Variants in TLL1 observed in about 807,000 individuals in gnomAD.
TLL1 encodes tolloid like 1.
Under a neutral mutation model 128.2 loss-of-function variants are expected in TLL1, and 49 were observed. That is an observed-to-expected ratio of 0.38 (90% CI 0.30 to 0.48). The LOEUF is 0.48. Among genes scored for constraint, TLL1 ranks in the 20% least tolerant of loss-of-function variants. The pLI is 0.96. For missense variants in TLL1, 1,123 were observed against 1,242.0 expected, an observed-to-expected ratio of 0.90 and a Z score of 1.44; for synonymous variants, 454 against 418.8, an observed-to-expected ratio of 1.08 and a Z score of -1.03.
chr4:165,927,510 A>G (rs1733330206), intron 1 of TLL1, among the ~76,000 whole-genome samples: 1 of 152,228 alleles, frequency 6.6e-6, no homozygotes, highest in Non-Finnish European at 1.5e-5. Context: ...TAAGAGGATT[A>G]AGCATTTCAG....
chr4:165,962,027 ATGG>A (rs931538843), intron 1 of TLL1, among the ~76,000 whole-genome samples: 13 of 152,090 alleles, frequency 8.5e-5, no homozygotes, highest in Non-Finnish European at 1.6e-4. Flanking sequence ...CAAAAAATTT[ATGG>A]CTATGTTCTA....
chr4:166,000,261 T>C (rs946238149), intron 5 of TLL1, among the ~76,000 whole-genome samples: 5 of 152,218 alleles, frequency 3.3e-5, no homozygotes, highest in African/African-American at 2.4e-5. Context: ...AAATACATAT[T>C]ACCCTTGTCT....
chr4:165,901,836 G>A (rs919856661), intron 1 of TLL1, among the ~76,000 whole-genome samples: 1 of 152,190 alleles, frequency 6.6e-6, no homozygotes, highest in African/African-American at 2.4e-5. Flanking sequence ...TGCTAAAGCT[G>A]CAACCACAGC....
chr4:165,951,646 G>T (rs1007429601), intron 1 of TLL1, among the ~76,000 whole-genome samples: 1 of 152,126 alleles, frequency 6.6e-6, no homozygotes, highest in Non-Finnish European at 1.5e-5. Context: ...TACTTATGTG[G>T]AGGAGAAGAA....
chr4:166,065,913 G>A (rs1039385033), intron 16 of TLL1, 50 bp downstream of exon 16: 2 of 1,280,014 alleles, frequency 1.6e-6, no homozygotes, highest in African/African-American at 7.6e-5. Flanking sequence ...TTCAATGTGG[G>A]TTGGATTAAA....
chr4:165,950,941 T>G (rs1371239175), intron 1 of TLL1, among the ~76,000 whole-genome samples: 1 of 151,836 alleles, frequency 6.6e-6, no homozygotes, highest in Non-Finnish European at 1.5e-5. Flanking sequence ...GAGACAGACA[T>G]TAGAGAAAAA....
intron 10 of TLL1, 61 bp from the exon 11 acceptor site, chr4:166,041,966 A>G: frequency 1.7e-6 from 2 of 1,204,694 alleles, no homozygotes; most frequent in Admixed American, 1.7e-5. Flanking sequence ...ACTAGTACAA[A>G]AAGAACGTAG....
intron 17 of TLL1, among the ~76,000 whole-genome samples, chr4:166,075,301 T>C (rs1010701378): frequency 6.6e-6 from 1 of 152,230 alleles, no homozygotes; most frequent in East Asian, 1.9e-4. Flanking sequence ...ACAGACCTTA[T>C]AACACTATGC....
At chr4:165,920,148 C>A (rs1732980736) in intron 1 of TLL1, among the ~76,000 whole-genome samples, 1 of 152,176 alleles carries the variant, frequency 6.6e-6, no homozygotes, top group Non-Finnish European at 1.5e-5. Flanking sequence ...CCTGAGTTAT[C>A]CATTGATATT....
At chr4:166,020,985 C>T (rs1738202142) in intron 8 of TLL1, among the ~76,000 whole-genome samples, 1 of 152,094 alleles carries the variant, frequency 6.6e-6, no homozygotes. Context: ...TATGGATGCA[C>T]ATTTATGTGG....
chr4:165,986,469 A>G (rs1161686842), intron 1 of TLL1, among the ~76,000 whole-genome samples: 1 of 151,998 alleles, frequency 6.6e-6, no homozygotes, highest in African/African-American at 2.4e-5. Flanking sequence ...AAAGATGTAT[A>G]TGGGCTACAG....
rs192997438 is a variant in TLL1, at chr4:166,088,384, A to G, written c.2443-2744A>G. Among the ~76,000 whole-genome samples the G allele has an allele frequency of 9.7e-4, 148 of 152,228 alleles. 2 individuals are homozygous for G. Among genetic ancestry groups the G allele is most frequent in the African/African-American group, 3.2e-3 (132 of 41,548 alleles). ...TTTTAGAAGTTTTTCCTTTCCGAAG[A>G]GTTCCTATAATACATTTCTATGGCC... On this transcript the variant is annotated intron_variant, in intron 18 of 20. Transcript: ENST00000061240.
chr4:165,938,249 C>G (rs1010992233), intron 1 of TLL1, among the ~76,000 whole-genome samples: 8 of 152,002 alleles, frequency 5.3e-5, no homozygotes, highest in African/African-American at 1.9e-4. Context: ...TGTAAAACTT[C>G]AGAAGCCATT....
chr4:166,057,403 T>C, intron 14 of TLL1, 94 bp downstream of exon 14: 1 of 1,536,568 alleles, frequency 6.5e-7, no homozygotes, highest in Non-Finnish European at 8.8e-7. Context: ...CTTTCCCTTT[T>C]TCCTATAGTG....
chr4:165,963,054 C>CAAAAAAAAAAAAAAAAAA (rs869191830), intron 1 of TLL1, among the ~76,000 whole-genome samples: 1 of 18,336 alleles, frequency 5.5e-5, no homozygotes, highest in African/African-American at 1.4e-4. Flanking sequence ...GGCTCTGTCT[C>CAAAAAAAAAAAAAAAAAA]AAAAAAAAAA....
chr4:166,060,274 AGT>A, intron 15 of TLL1, 86 bp downstream of exon 15: 16 of 1,365,768 alleles, frequency 1.2e-5, no homozygotes, highest in Non-Finnish European at 1.5e-5. Context: ...AAAAAGATGT[AGT>A]AAAATAGTAT....
chr4:165,907,273 G>T (rs930793401), intron 1 of TLL1, among the ~76,000 whole-genome samples: 1 of 151,854 alleles, frequency 6.6e-6, no homozygotes, highest in Non-Finnish European at 1.5e-5. Context: ...GTTTTTTAGG[G>T]CCATAGTAGA....
At chr4:165,957,096 G>C (rs1204947094) in intron 1 of TLL1, among the ~76,000 whole-genome samples, 1 of 152,088 alleles carries the variant, frequency 6.6e-6, no homozygotes, top group African/African-American at 2.4e-5. Context: ...ACCAATTGCT[G>C]TCTTCAAGAG....
At chr4:166,013,864 G>A (rs756878049) in intron 7 of TLL1, among the ~76,000 whole-genome samples, 8 of 151,118 alleles carry the variant, frequency 5.3e-5, no homozygotes, top group Non-Finnish European at 1.0e-4. Flanking sequence ...TGAAAAAATT[G>A]CTTTAAACTG....
Sources: gnomAD v4.1 joint callset for allele counts (sites outside exome capture counted in the v4.1 genomes callset) on GRCh38, gnomAD v4.1.1 for gene constraint, MANE v1.5 for transcripts, NCBI Gene and HGNC (gene_info 2026-07-23, HGNC 2026-07-21) for gene names.